The following NEK10 variants were observed in gnomAD, a reference collection of about 807,000 sequenced individuals.
NEK10 encodes the protein NIMA related kinase 10.
In NEK10, 122 loss-of-function variants were observed where a neutral mutation model predicts 159.8. That is an observed-to-expected ratio of 0.76 (90% CI 0.66 to 0.89). NEK10 has a LOEUF of 0.89. Among genes scored for constraint, NEK10 ranks in the 40% least tolerant of loss-of-function variants. NEK10 has a pLI of 0.00. For synonymous variants in NEK10, 466 were observed against 457.1 expected (o/e 1.02, Z -0.25); for missense variants, 1,342 against 1,323.1 (o/e 1.01, Z -0.22).
intron 28 of NEK10, among the ~76,000 whole-genome samples, chr3:27,173,701 A>C (rs1947229747): frequency 6.6e-6 from 1 of 152,114 alleles, no homozygotes; most frequent in Non-Finnish European, 1.5e-5. Context: ...ATTTTCACTT[A>C]ATTTATTTCA....
intron 15 of NEK10, among the ~76,000 whole-genome samples, chr3:27,294,869 A>C (rs1478827644): frequency 6.6e-6 from 1 of 151,502 alleles, no homozygotes; most frequent in Non-Finnish European, 1.5e-5. Context: ...GCCAATACCC[A>C]CTCCTCAAAA....
intron 32 of NEK10, among the ~76,000 whole-genome samples, chr3:27,130,960 T>C (rs1219724599): frequency 6.6e-6 from 1 of 152,134 alleles, no homozygotes; most frequent in Non-Finnish European, 1.5e-5. Context: ...CCATCTGTTT[T>C]TGGTGTATGT....
intron 5 of NEK10, among the ~76,000 whole-genome samples, chr3:27,337,399 C>G (rs1029937865): frequency 6.6e-6 from 1 of 151,664 alleles, no homozygotes; most frequent in Non-Finnish European, 1.5e-5. Flanking sequence ...AAGTAATATA[C>G]AGATTCAATG....
At chr3:27,256,404 A>G (rs1342239311) in intron 22 of NEK10, 33 bp from the exon 23 acceptor site, 2 of 1,375,738 alleles carry the variant, frequency 1.5e-6, no homozygotes, top group Admixed American at 2.3e-5. Flanking sequence ...ATATGTTACT[A>G]TATTTTCCCA....
chr3:27,362,947 C>G (rs1480179819), intron 1 of NEK10, among the ~76,000 whole-genome samples: 1 of 152,128 alleles, frequency 6.6e-6, no homozygotes, highest in Non-Finnish European at 1.5e-5. Flanking sequence ...AATAAAAGCA[C>G]TCTTTTTATG....
intron 23 of NEK10, among the ~76,000 whole-genome samples, chr3:27,223,359 T>C (rs935888490): frequency 1.3e-5 from 2 of 152,218 alleles, no homozygotes; most frequent in Non-Finnish European, 2.9e-5. Context: ...CTACCTACCA[T>C]TGCTTGTCAT....
chr3:27,247,319 G>A lies in NEK10; in HGVS notation c.2090+8977C>T, dbSNP rs118139292. On this transcript the variant is annotated intron_variant, in intron 23 of 35. Transcript: ENST00000691995. ...TTCTTTTTGTACCCAGGTTTTTTAG[G>A]GCTTTTCATCATGAAGGGATGTTGA... Among the ~76,000 whole-genome samples, 619 of 151,986 alleles carry A rather than the reference G, an allele frequency of 4.1e-3. 11 individuals are homozygous for A. Among genetic ancestry groups the A allele is most frequent in the East Asian group, 0.035 (179 of 5,152 alleles).
chr3:27,150,039 A>C (rs758405512), intron 30 of NEK10, among the ~76,000 whole-genome samples: 1 of 152,240 alleles, frequency 6.6e-6, no homozygotes, highest in Non-Finnish European at 1.5e-5. Flanking sequence ...GCCAAAGCAG[A>C]ATCCAGAGGA....
intron 1 of NEK10, among the ~76,000 whole-genome samples, chr3:27,358,079 C>T (rs1285210029): frequency 6.6e-6 from 1 of 152,176 alleles, no homozygotes; most frequent in Non-Finnish European, 1.5e-5. Flanking sequence ...TGGCTTTTTA[C>T]AAAAACTTTT....
intron 20 of NEK10, 96 bp from the exon 21 acceptor site, chr3:27,285,057 G>T: frequency 1.1e-6 from 1 of 881,466 alleles, no homozygotes; most frequent in Non-Finnish European, 1.7e-6. Flanking sequence ...CAGTGTCTGT[G>T]CGGGACACTA....
chr3:27,201,463 G>T (rs759428847), intron 25 of NEK10, 47 bp downstream of exon 25: 1 of 1,423,646 alleles, frequency 7.0e-7, no homozygotes, highest in Non-Finnish European at 9.9e-7. Context: ...TAGAAATGAG[G>T]TATTTCTTGA....
chr3:27,186,283 C>T lies in NEK10; in HGVS notation c.2505+5746G>A, dbSNP rs538197746. On this transcript the variant is annotated intron_variant, in intron 26 of 35. Transcript: ENST00000691995. ...TGCACTTCTCCAGAGCTCTTTTCTT[C>T]TACTGTTAAGACCAGTTTATGAGGC... Among the ~76,000 whole-genome samples, 13 of 152,356 alleles carry T rather than the reference C, an allele frequency of 8.5e-5. No homozygotes were observed. In the East Asian group the frequency reaches 2.5e-3, roughly 29 times the overall value.
chr3:27,230,551 G>A (rs191463677), intron 23 of NEK10, among the ~76,000 whole-genome samples: 3 of 151,996 alleles, frequency 2.0e-5, no homozygotes, highest in African/African-American at 7.2e-5. Context: ...TGGCCTAGAT[G>A]CTCCACTTAA....
intron 19 of NEK10, among the ~76,000 whole-genome samples, chr3:27,290,162 T>C (rs891776422): frequency 1.3e-5 from 2 of 152,234 alleles, no homozygotes; most frequent in Non-Finnish European, 2.9e-5. Flanking sequence ...ATTCTGCTCA[T>C]GCCAATACAT....
At position 27,302,635 on chromosome 3, in the gene NEK10, C is replaced by T. The variant is rs557847223; in HGVS notation, c.1029-800G>A. On this transcript the variant is annotated intron_variant, in intron 12 of 35. Coordinates refer to ENST00000691995, the MANE Select transcript of NEK10 (RefSeq NM_001394966.1). Reference sequence around the variant, plus strand: ...TCATCTGTCTTTCACCTGCTTTGTTCCCTTTTGTTTTACATAGTTACCATT... The same window carrying T: ...TCATCTGTCTTTCACCTGCTTTGTTTCCTTTTGTTTTACATAGTTACCATT... 1.2e-3 allele frequency among the ~76,000 whole-genome samples: 179 copies of T among 152,158 alleles called. 1 individual carries two copies. The Middle Eastern group carries it at 0.014, about 12-fold the overall frequency.
rs1036014202 is a variant in NEK10 at position 27,253,195 on chromosome 3, A to G, written c.2090+3101T>C. 3.9e-5 allele frequency among the ~76,000 whole-genome samples: 6 copies of G among 152,172 alleles called. No homozygotes were observed. The South Asian group carries it at 6.2e-4, about 16-fold the overall frequency. ...ACTAAGCCATAGACTAATAATTCCC[A>G]TTCCAGGAATAGTTGAAGTTTTCCA... is the stretch of plus-strand genomic sequence containing the variant. On this transcript the variant is annotated intron_variant, in intron 23 of 35. Transcript: ENST00000691995.
At chr3:27,181,853 A>C (rs1948141178) in intron 26 of NEK10, among the ~76,000 whole-genome samples, 1 of 152,230 alleles carries the variant, frequency 6.6e-6, no homozygotes, top group African/African-American at 2.4e-5. Flanking sequence ...TAAGTAAAAT[A>C]AAAGACTGAT....
In NEK10 at chr3:27,352,745, A is replaced by G. The variant is rs181430960; in HGVS notation, c.71+67T>C. ...CAAGAGTCTTCTCTATTTCTCAAAAAGCCATTAAATCTGTTCAATGGCCAC... is the reference window on the plus strand; with the variant it reads ...CAAGAGTCTTCTCTATTTCTCAAAAGGCCATTAAATCTGTTCAATGGCCAC... On this transcript the variant is annotated intron_variant, in intron 2 of 35. Coordinates refer to ENST00000691995, the MANE Select transcript of NEK10 (RefSeq NM_001394966.1). 5.6e-5 allele frequency: 61 copies of G among 1,090,908 alleles called. No individual in the cohort carries two copies. In the African/African-American group the frequency reaches 8.2e-4, roughly 15 times the overall value. The allele number at this position is 1,090,908 out of a possible 1,614,324, so 67.6% of individuals were successfully genotyped here. A position where few individuals can be genotyped will look rare whatever the true frequency, so the allele number is the denominator to read the frequency against.
chr3:27,225,004 G>A (rs984434065), intron 23 of NEK10, among the ~76,000 whole-genome samples: 3 of 152,134 alleles, frequency 2.0e-5, no homozygotes, highest in African/African-American at 7.2e-5. Flanking sequence ...CAGAGATAAT[G>A]GAATCGATAT....
Sources: allele counts gnomAD v4.1 joint callset (sites outside exome capture counted in the v4.1 genomes callset), GRCh38; gene constraint gnomAD v4.1.1; transcripts MANE v1.5; gene names NCBI Gene and HGNC (gene_info 2026-07-23, HGNC 2026-07-21).